Variants in PCDHGA1 observed in about 807,000 individuals in gnomAD.
PCDHGA1 encodes protocadherin gamma subfamily A, 1.
Under a neutral mutation model 58.0 loss-of-function variants are expected in PCDHGA1, and 32 were observed. That is an observed-to-expected ratio of 0.55 (90% CI 0.42 to 0.74). PCDHGA1 has a LOEUF of 0.74. Among genes scored for constraint, PCDHGA1 ranks in the 30% least tolerant of loss-of-function variants. The probability of loss-of-function intolerance (pLI) is 0.00; values close to 1 mark genes in which losing one functional copy is unlikely to be tolerated. For synonymous variants in PCDHGA1, 498 were observed against 501.1 expected (o/e 0.99, Z 0.08); for missense variants, 1,205 against 1,182.3 (o/e 1.02, Z -0.28).
chr5:141,455,093 T>C (rs2098812615), intron 1 of PCDHGA1, among the ~76,000 whole-genome samples: 1 of 152,060 alleles, frequency 6.6e-6, no homozygotes, highest in African/African-American at 2.4e-5. Context: ...ATTACAGGCT[T>C]GAGCCACTGC....
intron 1 of PCDHGA1, chr5:141,414,511 G>A: frequency 1.2e-6 from 2 of 1,613,972 alleles, no homozygotes; most frequent in African/African-American, 1.3e-5. Context: ...TATGCTACAA[G>A]TGGCAGATAT....
Position 141,477,889 on chromosome 5 carries a change from A to T in PCDHGA1, c.2422-16918A>T. 1 of 1,614,152 alleles carries T rather than the reference A, an allele frequency of 6.2e-7. No homozygotes were observed. Among genetic ancestry groups the T allele is most frequent in the Admixed American group, 1.7e-5 (1 of 60,016 alleles). On this transcript the variant is annotated intron_variant, in intron 1 of 3. Coordinates refer to ENST00000517417, the MANE Select transcript of PCDHGA1 (RefSeq NM_018912.3). This position sits in a 1 kb window ranked among gnomAD's most constrained non-coding sequence, Gnocchi z 4.9. The stretch of plus-strand genomic sequence containing the variant: ...GTACCTCAGCTGGCCACCTAGTGTC[A>T]CGGGTGGTAGGCTGGGACGCGGATG...
intron 1 of PCDHGA1, among the ~76,000 whole-genome samples, chr5:141,457,224 A>G (rs1176186371): frequency 6.6e-6 from 1 of 152,158 alleles, no homozygotes; most frequent in African/African-American, 2.4e-5. Flanking sequence ...GTGGTAGGTA[A>G]TTTCCATCTA....
chr5:141,491,714 C>A lies in PCDHGA1; in HGVS notation c.2422-3093C>A, dbSNP rs1321811999. On this transcript the variant is annotated intron_variant, in intron 1 of 3. Transcript: ENST00000517417. The surrounding 1 kb of genome is among the most constrained non-coding windows in gnomAD (Gnocchi z 6.9). ...GAGCGGAGCCAGGTGAGGGGCTCGG[C>A]GCCGCCCCGGGCGACCCCTGGGGGC... 2 of 1,608,742 alleles carry A rather than the reference C, an allele frequency of 1.2e-6. No individual in the cohort carries two copies. The highest frequency in any genetic ancestry group is 1.7e-6 in the Non-Finnish European group (2 of 1,177,914).
chr5:141,384,022 G>C, intron 1 of PCDHGA1: 3 of 1,613,680 alleles, frequency 1.9e-6, no homozygotes, highest in Non-Finnish European at 2.5e-6. Context: ...ACAAGACAGA[G>C]ATTCTGGAAA....
chr5:141,363,227 A>G (rs920377728), intron 1 of PCDHGA1, among the ~76,000 whole-genome samples: 2 of 152,228 alleles, frequency 1.3e-5, no homozygotes, highest in Non-Finnish European at 2.9e-5. Context: ...CTTACAACCT[A>G]TGTTCACATC....
intron 1 of PCDHGA1, chr5:141,399,475 C>G: frequency 1.2e-6 from 2 of 1,614,022 alleles, no homozygotes; most frequent in Non-Finnish European, 1.7e-6. Context: ...GGTTTTCCAC[C>G]AGGCGTCCTA....
chr5:141,420,156 A>T lies in PCDHGA1; in HGVS notation c.2422-74651A>T, dbSNP rs1406451882. ...GGGGATCAAATGAATCCAGAATTTA[A>T]TTTTTTCACATCTGTTGATCATTGT... On this transcript the variant is annotated intron_variant, in intron 1 of 3. Coordinates refer to ENST00000517417, the MANE Select transcript of PCDHGA1 (RefSeq NM_018912.3). The T allele has an allele frequency of 1.4e-5, 22 of 1,613,872 alleles. No individual in the cohort carries two copies. Among genetic ancestry groups the T allele is most frequent in the Middle Eastern group, 3.3e-4 (2 of 6,084 alleles).
In PCDHGA1 at chr5:141,489,594, TGTAGAG is replaced by T. The variant is rs1298302866; in HGVS notation, c.2422-5206_2422-5201del. 1 of 1,613,958 alleles carries T rather than the reference TGTAGAG, an allele frequency of 6.2e-7. No homozygotes were observed. The highest frequency in any genetic ancestry group is 1.3e-5 in the African/African-American group (1 of 74,906). ...CTGAACACCCCCTGGAGCTAATCCG[TGTAGAG>T]GTAGAGATCCTGGATCTCAATGACA... On this transcript the variant is annotated intron_variant, in intron 1 of 3. Coordinates refer to ENST00000517417, the MANE Select transcript of PCDHGA1 (RefSeq NM_018912.3). The surrounding 1 kb of genome is among the most constrained non-coding windows in gnomAD (Gnocchi z 4.5).
At chr5:141,465,779 G>GTT (rs879859429) in intron 1 of PCDHGA1, among the ~76,000 whole-genome samples, 3 of 145,118 alleles carry the variant, frequency 2.1e-5, no homozygotes, top group Non-Finnish European at 3.0e-5. Context: ...TCTTGTTACA[G>GTT]TTTTTTTTTT....
At chr5:141,361,675 G>C (rs1247091931) in intron 1 of PCDHGA1, 2 of 1,613,636 alleles carry the variant, frequency 1.2e-6, no homozygotes, top group Middle Eastern at 1.6e-4. Flanking sequence ...GAGCGGGGTG[G>C]TGTTCGCGCA....
chr5:141,431,147 G>A lies in PCDHGA1; in HGVS notation c.2422-63660G>A, dbSNP rs1303502732. ...AGAAGTAAGGGACATTAACGACAAT[G>A]CGCCTTACTTTCGTGAAAGTGAATT... On this transcript the variant is annotated intron_variant, in intron 1 of 3. Coordinates refer to ENST00000517417, the MANE Select transcript of PCDHGA1 (RefSeq NM_018912.3). The surrounding 1 kb of genome is among the most constrained non-coding windows in gnomAD (Gnocchi z 4.8). 6.2e-7 allele frequency: 1 copy of A among 1,614,228 alleles called. No homozygotes were observed. The highest frequency in any genetic ancestry group is 1.7e-5 in the Admixed American group (1 of 60,030).
chr5:141,341,346 C>T (rs1463463287), intron 1 of PCDHGA1: 2 of 1,614,098 alleles, frequency 1.2e-6, no homozygotes, highest in African/African-American at 1.3e-5. Context: ...GATTTTTTAT[C>T]AGCGCCTCAA....
intron 1 of PCDHGA1, chr5:141,344,202 C>G (rs1267309332): frequency 6.2e-7 from 1 of 1,614,012 alleles, no homozygotes; most frequent in Non-Finnish European, 8.5e-7. Context: ...GCTAGAGCCC[C>G]GGGAGCTGGC....
chr5:141,415,461 T>C, intron 1 of PCDHGA1: 5 of 1,614,180 alleles, frequency 3.1e-6, no homozygotes, highest in Non-Finnish European at 4.2e-6. Context: ...ACGAGGTCTC[T>C]CTCACCGCGG....
rs1490505043 is a variant in PCDHGA1 at position 141,332,230 on chromosome 5, G to A, written c.1546G>A (p.Ala516Thr). ...SINSDTGVLY[A>T]LRSFDYEQFR... ...CAACTCCGACACTGGGGTCCTGTAT[G>A]CGCTGCGATCCTTCGACTATGAGCA... The change falls in exon 1 of 4, where the codon GCG (alanine) becomes ACG (threonine). Residue 516 changes from alanine (A) to threonine (T), a missense_variant. By Grantham distance (58) the Ala-to-Thr change is moderately conservative (BLOSUM62 0). Coordinates refer to ENST00000517417, the MANE Select transcript of PCDHGA1 (RefSeq NM_018912.3). This position sits in a 1 kb window ranked among gnomAD's most constrained non-coding sequence, Gnocchi z 4.6. 5 of 1,614,108 alleles carry A rather than the reference G, an allele frequency of 3.1e-6. No homozygotes were observed. In the South Asian group the frequency reaches 4.4e-5, roughly 14 times the overall value.
At chr5:141,388,814 C>A in intron 1 of PCDHGA1, 1 of 1,613,826 alleles carries the variant, frequency 6.2e-7, no homozygotes, top group Non-Finnish European at 8.5e-7. Context: ...TTGAAGAAGT[C>A]AAAGAATATT....
chr5:141,479,109 A>G (rs925202951), intron 1 of PCDHGA1, among the ~76,000 whole-genome samples: 4 of 152,234 alleles, frequency 2.6e-5, no homozygotes, highest in Admixed American at 2.6e-4. Context: ...TATTTCAAGC[A>G]TTCTACTGGA....
intron 1 of PCDHGA1, among the ~76,000 whole-genome samples, chr5:141,439,104 A>G (rs924055175): frequency 6.6e-6 from 1 of 151,676 alleles, no homozygotes; most frequent in African/African-American, 2.4e-5. Flanking sequence ...GAGGCAAGAG[A>G]ATCACTTGAA....
Sources: allele counts gnomAD v4.1 joint callset (sites outside exome capture counted in the v4.1 genomes callset), GRCh38; gene constraint gnomAD v4.1.1; non-coding constraint Gnocchi (gnomAD v3.1); transcripts MANE v1.5; gene names NCBI Gene and HGNC (gene_info 2026-07-23, HGNC 2026-07-21).